Variants in NELL2 observed in about 807,000 individuals in gnomAD.
NELL2 encodes the protein protein kinase C-binding protein NELL2.
NELL2 carries 41 observed loss-of-function variants against 109.6 expected under a neutral mutation model. The ratio of observed to expected loss-of-function variants is 0.37; its 90% CI spans 0.29 to 0.49. NELL2 has a LOEUF of 0.49. Ranked by LOEUF, NELL2 falls within the 20% of genes least tolerant of loss-of-function variation. NELL2 has a pLI of 0.98. For synonymous variants in NELL2, 355 were observed against 344.7 expected, an observed-to-expected ratio of 1.03 and a Z score of -0.33; for missense variants, 900 against 1,008.3, an observed-to-expected ratio of 0.89 and a Z score of 1.45.
At chr12:44,726,973 A>G (rs1939114575) in intron 9 of NELL2, among the ~76,000 whole-genome samples, 1 of 152,124 alleles carries the variant, frequency 6.6e-6, no homozygotes, top group Admixed American at 6.5e-5. Flanking sequence ...AACAGAGCCA[A>G]TGTAAACTGT....
intron 15 of NELL2, among the ~76,000 whole-genome samples, chr12:44,563,631 A>C (rs1421588013): frequency 6.6e-6 from 1 of 152,198 alleles, no homozygotes; most frequent in Non-Finnish European, 1.5e-5. Flanking sequence ...TTAGCTCTTA[A>C]AACTATGTTG....
At chr12:44,707,150 G>A (rs1937929813) in intron 11 of NELL2, among the ~76,000 whole-genome samples, 1 of 152,084 alleles carries the variant, frequency 6.6e-6, no homozygotes, top group South Asian at 2.1e-4. Flanking sequence ...ATGCTTATAA[G>A]AAAATGGACT....
At chr12:44,520,872 T>C (rs1941494068) in intron 18 of NELL2, among the ~76,000 whole-genome samples, 2 of 152,172 alleles carry the variant, frequency 1.3e-5, no homozygotes, top group Non-Finnish European at 2.9e-5. Context: ...AATCTCATGG[T>C]TTGGGAGATG....
upstream of NELL2, chr12:44,876,430 G>C (rs1945328412): frequency 7.8e-7 from 1 of 1,285,582 alleles, no homozygotes; most frequent in Non-Finnish European, 9.9e-7. Context: ...CCGGCGCTCA[G>C]CGTCGGTCTC....
At chr12:44,527,152 T>C (rs935461988) in intron 16 of NELL2, among the ~76,000 whole-genome samples, 4 of 152,234 alleles carry the variant, frequency 2.6e-5, no homozygotes, top group Non-Finnish European at 5.9e-5. Context: ...CAAAATCAAA[T>C]GCTTTTCTCA....
intron 9 of NELL2, among the ~76,000 whole-genome samples, chr12:44,726,830 T>G (rs905880421): frequency 9.2e-5 from 14 of 152,144 alleles, no homozygotes; most frequent in African/African-American, 3.4e-4. Flanking sequence ...TTTAGTTGAT[T>G]TATATATTAG....
chr12:44,706,849 C>A (rs1344116598), intron 11 of NELL2, among the ~76,000 whole-genome samples: 2 of 152,118 alleles, frequency 1.3e-5, no homozygotes, highest in African/African-American at 4.8e-5. Context: ...GTTCTCTAAT[C>A]CCTTTGCAAG....
intron 13 of NELL2, among the ~76,000 whole-genome samples, chr12:44,633,008 T>C (rs60297987): frequency 0.05 from 7,493 of 150,680 alleles, 580 homozygotes; most frequent in African/African-American, 0.17. Context: ...GAATAGAAAA[T>C]AGGAAAAGAA....
chr12:44,669,947 G>A (rs965203205), intron 12 of NELL2, among the ~76,000 whole-genome samples: 7 of 152,130 alleles, frequency 4.6e-5, no homozygotes, highest in Non-Finnish European at 8.8e-5. Context: ...TTCAAGGCAC[G>A]TTATAGTAAA....
At chr12:44,680,460 A>T (rs1948459568) in intron 12 of NELL2, among the ~76,000 whole-genome samples, 1 of 152,180 alleles carries the variant, frequency 6.6e-6, no homozygotes, top group Admixed American at 6.5e-5. Context: ...ATTAAAGAAA[A>T]ATTACTTGGA....
At chr12:44,516,572 A>G (rs1304802571) in intron 19 of NELL2, among the ~76,000 whole-genome samples, 1 of 152,204 alleles carries the variant, frequency 6.6e-6, no homozygotes, top group African/African-American at 2.4e-5. Flanking sequence ...TTAAAGGCTC[A>G]ATGATTTCCT....
rs182447933 is a variant in NELL2, at chr12:44,540,012, C to T, written c.1664-7291G>A. Among the ~76,000 whole-genome samples the T allele has an allele frequency of 1.1e-4, 16 of 152,234 alleles. No individual in the cohort carries two copies. The East Asian group carries it at 3.1e-3, about 29-fold the overall frequency. ...AAAATAACATGATAGTAAAATGATA[C>T]TTCCTCATTCTACTTTAAATGTTTT... On this transcript the variant is annotated intron_variant, in intron 15 of 19. Coordinates refer to ENST00000429094, the MANE Select transcript of NELL2 (RefSeq NM_001145108.2).
intron 15 of NELL2, among the ~76,000 whole-genome samples, chr12:44,563,360 A>C (rs1943543819): frequency 1.3e-5 from 2 of 152,132 alleles, no homozygotes; most frequent in African/African-American, 4.8e-5. Flanking sequence ...GGGAGAAAGA[A>C]ATTATAGGTG....
At chr12:44,864,525 T>C (rs865941072) in intron 2 of NELL2, among the ~76,000 whole-genome samples, 3 of 152,174 alleles carry the variant, frequency 2.0e-5, no homozygotes, top group South Asian at 4.1e-4. Context: ...CAATTGTAAA[T>C]ATAAATGCAC....
intron 12 of NELL2, among the ~76,000 whole-genome samples, chr12:44,670,820 T>TA (rs1948114030): frequency 6.6e-6 from 1 of 152,098 alleles, no homozygotes. Context: ...CTATTATAGC[T>TA]AAAGAGAGAG....
intron 2 of NELL2, among the ~76,000 whole-genome samples, chr12:44,844,988 T>G (rs1944330456): frequency 6.6e-6 from 1 of 152,188 alleles, no homozygotes. Context: ...TGCTGAAATT[T>G]TTTACATACC....
intron 16 of NELL2, among the ~76,000 whole-genome samples, chr12:44,528,646 C>T (rs1398242961): frequency 2.6e-5 from 4 of 152,210 alleles, no homozygotes; most frequent in African/African-American, 9.6e-5. Flanking sequence ...GACAAGCAAA[C>T]ACAAACTATG....
intron 12 of NELL2, among the ~76,000 whole-genome samples, chr12:44,685,216 A>C (rs868178974): frequency 2.6e-5 from 4 of 152,138 alleles, no homozygotes; most frequent in Non-Finnish European, 2.9e-5. Context: ...AGTCTGTTTT[A>C]TCAGAGACTA....
rs200444695 is a variant in NELL2, at chr12:44,620,724, ATTC to A, written c.1445-9757_1445-9755del. Among the ~76,000 whole-genome samples the A allele has an allele frequency of 7.7e-4, 117 of 152,022 alleles. 1 individual carries two copies. Among genetic ancestry groups the A allele is most frequent in the Admixed American group, 3.6e-3 (55 of 15,284 alleles). The stretch of plus-strand genomic sequence containing the variant: ...ATTTATCCGGGGCCAGGTCACCTGG[ATTC>A]TTCTTTCTTAAAAGTTCTCATTTCT... On this transcript the variant is annotated intron_variant, in intron 13 of 19. Transcript: ENST00000429094.
Sources: gnomAD v4.1 joint callset for allele counts (sites outside exome capture counted in the v4.1 genomes callset) on GRCh38, gnomAD v4.1.1 for gene constraint, MANE v1.5 for transcripts, NCBI Gene and HGNC (gene_info 2026-07-23, HGNC 2026-07-21) for gene names.